The following ABTB2 variants were observed in gnomAD, a reference collection of about 807,000 sequenced individuals.
ABTB2 encodes ankyrin repeat and BTB domain containing 2.
Under a neutral mutation model 104.1 loss-of-function variants are expected in ABTB2, and 56 were observed. The observed-to-expected ratio is 0.54, with a 90% confidence interval of 0.43 to 0.67. ABTB2 has a LOEUF of 0.67. Among genes scored for constraint, ABTB2 ranks in the 30% least tolerant of loss-of-function variants. ABTB2 has a pLI of 0.00. For missense variants in ABTB2, 1,279 were observed against 1,407.7 expected (o/e 0.91, Z 1.46); for synonymous variants, 606 against 608.2 (o/e 1.00, Z 0.05).
At chr11:34,169,183 T>C (rs1001140547) in intron 5 of ABTB2, among the ~76,000 whole-genome samples, 7 of 152,190 alleles carry the variant, frequency 4.6e-5, no homozygotes, top group Admixed American at 2.6e-4. Context: ...TCTCCACACA[T>C]CTGTATACAA....
chr11:34,179,249 A>G (rs1478339195), intron 3 of ABTB2, among the ~76,000 whole-genome samples: 1 of 152,220 alleles, frequency 6.6e-6, no homozygotes, highest in African/African-American at 2.4e-5. Flanking sequence ...ATGATATCAC[A>G]CAGCTTCTAG....
intron 1 of ABTB2, among the ~76,000 whole-genome samples, chr11:34,300,604 A>G (rs72914567): frequency 4.6e-5 from 7 of 152,336 alleles, no homozygotes; most frequent in Admixed American, 1.3e-4. Flanking sequence ...ACAGAAGAAT[A>G]ATCTGGTCCC....
chr11:34,220,876 T>C (rs1387580745), intron 1 of ABTB2, among the ~76,000 whole-genome samples: 1 of 152,054 alleles, frequency 6.6e-6, no homozygotes, highest in Non-Finnish European at 1.5e-5. Flanking sequence ...TTGGCAGGGG[T>C]TGGTTTCTCA....
rs149015083 is a variant in ABTB2 at position 34,301,930 on chromosome 11, G to A, written c.883+54771C>T. ...TGTGCCCAGAGGTTTAGGCTGCAGT[G>A]AGGCCAAGATGGTGCCACTGCACTC... On this transcript the variant is annotated intron_variant, in intron 1 of 16. Coordinates refer to ENST00000435224, the MANE Select transcript of ABTB2 (RefSeq NM_145804.3). 7.9e-5 allele frequency among the ~76,000 whole-genome samples: 12 copies of A among 152,344 alleles called. No individual in the cohort carries two copies. In the East Asian group the frequency reaches 1.9e-3, roughly 24 times the overall value.
intron 7 of ABTB2, among the ~76,000 whole-genome samples, chr11:34,166,806 T>C (rs948948144): frequency 1.3e-5 from 2 of 152,166 alleles, no homozygotes; most frequent in African/African-American, 4.8e-5. Context: ...GGGTGAGCCA[T>C]GCCAATCCGA....
intron 1 of ABTB2, among the ~76,000 whole-genome samples, chr11:34,208,555 G>A (rs1013135293): frequency 2.6e-5 from 4 of 152,162 alleles, no homozygotes; most frequent in African/African-American, 9.7e-5. Context: ...CGAATGTGCT[G>A]TGGACTGTGC....
chr11:34,323,726 G>A (rs1400288890), intron 1 of ABTB2, among the ~76,000 whole-genome samples: 1 of 152,158 alleles, frequency 6.6e-6, no homozygotes, highest in African/African-American at 2.4e-5. Flanking sequence ...TCCATGAGAA[G>A]AGTGACCTAG....
chr11:34,336,303 T>C (rs1855192671), intron 1 of ABTB2, among the ~76,000 whole-genome samples: 1 of 152,176 alleles, frequency 6.6e-6, no homozygotes, highest in South Asian at 2.1e-4. Context: ...AGGCAGGTAC[T>C]ACTATCATTC....
At chr11:34,170,784 G>T in intron 5 of ABTB2, 122 bp downstream of exon 5, 1 of 1,229,570 alleles carries the variant, frequency 8.1e-7, no homozygotes, top group African/African-American at 1.5e-5. Flanking sequence ...GAGGTAGCCC[G>T]CCTTTTCGAA....
intron 1 of ABTB2, among the ~76,000 whole-genome samples, chr11:34,246,311 C>T (rs1853982290): frequency 6.6e-6 from 1 of 151,986 alleles, no homozygotes; most frequent in South Asian, 2.1e-4. Context: ...TTTAAAATGA[C>T]AAATCTTGGG....
chr11:34,297,388 A>G (rs1354216107), intron 1 of ABTB2, among the ~76,000 whole-genome samples: 1 of 152,236 alleles, frequency 6.6e-6, no homozygotes, highest in Non-Finnish European at 1.5e-5. Flanking sequence ...TCCGGAAACA[A>G]AAACATACCC....
chr11:34,258,528 T>A (rs996354169), intron 1 of ABTB2, among the ~76,000 whole-genome samples: 2 of 152,096 alleles, frequency 1.3e-5, no homozygotes, highest in East Asian at 3.8e-4. Flanking sequence ...GCAGTAGGAA[T>A]TGCCTCTTAG....
chr11:34,278,358 A>T (rs887837581), intron 1 of ABTB2, among the ~76,000 whole-genome samples: 1 of 152,162 alleles, frequency 6.6e-6, no homozygotes, highest in Non-Finnish European at 1.5e-5. Flanking sequence ...TCCTTACTGC[A>T]GGACTTCTCA....
intron 1 of ABTB2, among the ~76,000 whole-genome samples, chr11:34,279,971 A>G (rs991489037): frequency 2.0e-5 from 3 of 151,926 alleles, no homozygotes; most frequent in South Asian, 4.2e-4. Context: ...GGGTTTCACA[A>G]TGTTGGTCAG....
In ABTB2 at chr11:34,195,040, G is replaced by C. The variant is rs894096179; in HGVS notation, c.1244+2285C>G. On this transcript the variant is annotated intron_variant, in intron 3 of 16. Transcript: ENST00000435224. ...AGTACAGGGGGCTGGGAACCCTCCT[G>C]GGGGAAAGCCACAGGACATGACAAA... Among the ~76,000 whole-genome samples the C allele has an allele frequency of 1.3e-4, 19 of 141,868 alleles. No homozygotes were observed. The South Asian group carries it at 4.3e-3, about 32-fold the overall frequency. The allele number at this position is 141,868 out of a possible 152,430, so 93.1% of individuals were successfully genotyped here.
intron 1 of ABTB2, among the ~76,000 whole-genome samples, chr11:34,240,582 A>G (rs1853903560): frequency 6.6e-6 from 1 of 152,128 alleles, no homozygotes; most frequent in Non-Finnish European, 1.5e-5. Flanking sequence ...CTTGGGCCGA[A>G]ATCTTCATTC....
At chr11:34,155,292 G>T (rs997059626) in intron 14 of ABTB2, among the ~76,000 whole-genome samples, 1 of 152,362 alleles carries the variant, frequency 6.6e-6, no homozygotes, top group South Asian at 2.1e-4. Flanking sequence ...ATGTGGAGGT[G>T]AGTGCCCCAT....
At position 34,229,299 on chromosome 11, in the gene ABTB2, G is replaced by A. The variant is rs185343416; in HGVS notation, c.884-24609C>T. Among the ~76,000 whole-genome samples the A allele has an allele frequency of 4.9e-3, 744 of 151,472 alleles. 8 individuals carry two copies. The highest frequency in any genetic ancestry group is 7.8e-3 in the Non-Finnish European group (530 of 67,870). On this transcript the variant is annotated intron_variant, in intron 1 of 16. Coordinates refer to ENST00000435224, the MANE Select transcript of ABTB2 (RefSeq NM_145804.3). ...AGATCAAGACCATCCTGGCTAACAC[G>A]ATGAAACCCGTCTCTACCAAAAATA... is the stretch of plus-strand genomic sequence containing the variant.
chr11:34,178,657 C>T (rs774803044), intron 3 of ABTB2, among the ~76,000 whole-genome samples: 14 of 152,202 alleles, frequency 9.2e-5, no homozygotes, highest in African/African-American at 2.9e-4. Flanking sequence ...GCCAGGAGAC[C>T]GGGTCGGGGC....
Sources: gnomAD v4.1 joint callset for allele counts (sites outside exome capture counted in the v4.1 genomes callset) on GRCh38, gnomAD v4.1.1 for gene constraint, MANE v1.5 for transcripts, NCBI Gene and HGNC (gene_info 2026-07-23, HGNC 2026-07-21) for gene names.